The following SVIL variants were observed in gnomAD, a reference collection of about 807,000 sequenced individuals.
The protein encoded by SVIL is supervillin.
SVIL carries 101 observed loss-of-function variants against 240.4 expected under a neutral mutation model. The observed-to-expected ratio is 0.42, with a 90% CI of 0.36 to 0.50. The LOEUF is 0.50. Ranked by LOEUF, SVIL falls within the 20% of genes least tolerant of loss-of-function variation. The pLI is 0.01. For synonymous variants in SVIL, 999 were observed against 1,100.0 expected (o/e 0.91, Z 1.82); for missense variants, 2,512 against 2,818.7 (o/e 0.89, Z 2.46).
At chr10:29,614,806 A>T (rs1399216052) in intron 1 of SVIL, among the ~76,000 whole-genome samples, 2 of 152,374 alleles carry the variant, frequency 1.3e-5, no homozygotes, top group East Asian at 3.9e-4. Context: ...AACTTAAAGT[A>T]TAAAAAAAAT....
At chr10:29,674,400 G>C (rs1260045694) in intron 2 of SVIL, among the ~76,000 whole-genome samples, 1 of 152,084 alleles carries the variant, frequency 6.6e-6, no homozygotes, top group Non-Finnish European at 1.5e-5. Context: ...CATTCAAAAA[G>C]GAATGAATTA....
intron 6 of SVIL, among the ~76,000 whole-genome samples, chr10:29,549,755 A>C: frequency 6.9e-6 from 1 of 144,732 alleles, no homozygotes; most frequent in African/African-American, 2.6e-5. Context: ...CATCATTCTC[A>C]GTAAACTATC....
Position 29,535,952 on chromosome 10 carries a change from C to G in SVIL, c.908+37G>C, listed in dbSNP as rs752289691. On this transcript the variant is annotated intron_variant, in intron 7 of 37. Coordinates refer to ENST00000355867, the MANE Select transcript of SVIL (RefSeq NM_021738.3). ...TGGTCAGGCAGGAGGAAGCAACACTCATGCACACAAGCCCCAGAGGGCCGG... is the reference window on the plus strand; with the variant it reads ...TGGTCAGGCAGGAGGAAGCAACACTGATGCACACAAGCCCCAGAGGGCCGG... The G allele has an allele frequency of 3.7e-6, 6 of 1,610,246 alleles. 1 individual carries two copies. In the South Asian group the frequency reaches 6.6e-5, roughly 18 times the overall value.
chr10:29,720,900 G>A (rs1399141670), intron 1 of SVIL, among the ~76,000 whole-genome samples: 2 of 152,200 alleles, frequency 1.3e-5, no homozygotes, highest in Non-Finnish European at 2.9e-5. Flanking sequence ...AGGCTGGAGT[G>A]TAGTGGTGTG....
At chr10:29,592,258 A>T (rs1248146734) in intron 1 of SVIL, among the ~76,000 whole-genome samples, 1 of 152,240 alleles carries the variant, frequency 6.6e-6, no homozygotes, top group Non-Finnish European at 1.5e-5. Flanking sequence ...TCTCAAAAAT[A>T]GAAAGAAAGA....
intron 1 of SVIL, among the ~76,000 whole-genome samples, chr10:29,722,222 TA>T (rs367974093): frequency 0.027 from 3,217 of 117,676 alleles, 56 homozygotes; most frequent in East Asian, 0.073. Context: ...GACTCTGTCT[TA>T]AAAAAAAAAA....
intron 1 of SVIL, among the ~76,000 whole-genome samples, chr10:29,692,448 G>A (rs1961580705): frequency 6.6e-6 from 1 of 151,720 alleles, no homozygotes; most frequent in South Asian, 2.1e-4. Context: ...ATAAGCACAG[G>A]AACAAACTCA....
At chr10:29,551,707 G>A (rs1452847933) in intron 5 of SVIL, among the ~76,000 whole-genome samples, 2 of 152,202 alleles carry the variant, frequency 1.3e-5, no homozygotes, top group African/African-American at 2.4e-5. Flanking sequence ...GGTTTCCGGG[G>A]ATCTGAGAGT....
intron 1 of SVIL, among the ~76,000 whole-genome samples, chr10:29,592,291 A>T (rs1342796111): frequency 6.6e-6 from 1 of 152,240 alleles, no homozygotes; most frequent in Non-Finnish European, 1.5e-5. Context: ...TCTCTGAAAC[A>T]ATGTCACTGC....
intron 3 of SVIL, among the ~76,000 whole-genome samples, chr10:29,642,306 C>T (rs536676087): frequency 1.3e-5 from 2 of 151,802 alleles, no homozygotes; most frequent in South Asian, 2.1e-4. Context: ...GGCTGAGAAG[C>T]GCTTGAACCT....
chr10:29,679,014 T>C (rs1210195582), intron 2 of SVIL, among the ~76,000 whole-genome samples: 1 of 152,210 alleles, frequency 6.6e-6, no homozygotes, highest in Non-Finnish European at 1.5e-5. Flanking sequence ...GAGACCAGCC[T>C]GGCCAATATG....
At chr10:29,646,919 A>T (rs1166441876) in intron 3 of SVIL, among the ~76,000 whole-genome samples, 1 of 152,188 alleles carries the variant, frequency 6.6e-6, no homozygotes, top group East Asian at 1.9e-4. Flanking sequence ...TGACTGAGGG[A>T]GAAGAGCAAG....
chr10:29,715,877 A>C (rs1464992108), intron 1 of SVIL, among the ~76,000 whole-genome samples: 1 of 152,236 alleles, frequency 6.6e-6, no homozygotes, highest in Non-Finnish European at 1.5e-5. Context: ...TACAAGAACC[A>C]ATGGGCACAC....
chr10:29,727,813 T>C (rs1589589656), intron 1 of SVIL, among the ~76,000 whole-genome samples: 1 of 151,186 alleles, frequency 6.6e-6, no homozygotes, highest in Admixed American at 6.6e-5. Flanking sequence ...AAGTGCCAGG[T>C]GGGAGGGCTC....
chr10:29,556,188 G>T (rs74129715), intron 3 of SVIL, among the ~76,000 whole-genome samples: 8,776 of 152,220 alleles, frequency 0.058, 372 homozygotes, highest in Non-Finnish European at 0.086. Context: ...GAGAATAAAG[G>T]TCTCTCTTTT....
At chr10:29,589,704 G>C (rs1228579917) in intron 1 of SVIL, among the ~76,000 whole-genome samples, 1 of 152,146 alleles carries the variant, frequency 6.6e-6, no homozygotes, top group Non-Finnish European at 1.5e-5. Context: ...AAGACTCCTG[G>C]AACAGGGGGT....
chr10:29,661,985 C>T (rs1442403948), intron 2 of SVIL, among the ~76,000 whole-genome samples: 1 of 152,076 alleles, frequency 6.6e-6, no homozygotes. Flanking sequence ...TATTCACATA[C>T]TACCAAACTA....
At chr10:29,571,780 C>T (rs1318764665) in intron 1 of SVIL, among the ~76,000 whole-genome samples, 2 of 152,146 alleles carry the variant, frequency 1.3e-5, no homozygotes, top group African/African-American at 4.8e-5. Context: ...AAAAACGGAA[C>T]ATTCAAGAGA....
intron 20 of SVIL, among the ~76,000 whole-genome samples, chr10:29,494,053 C>T (rs1948209911): frequency 6.6e-6 from 1 of 152,142 alleles, no homozygotes; most frequent in Non-Finnish European, 1.5e-5. Context: ...CGCCCATAGT[C>T]CCGCCTACTT....
Sources: gnomAD v4.1 joint callset for allele counts (sites outside exome capture counted in the v4.1 genomes callset) on GRCh38, gnomAD v4.1.1 for gene constraint, MANE v1.5 for transcripts, NCBI Gene and HGNC (gene_info 2026-07-23, HGNC 2026-07-21) for gene names.